Variants in MALRD1 observed in about 807,000 individuals in gnomAD.
MALRD1 encodes the protein MAM and LDL receptor class A domain containing 1.
MALRD1 carries 247 observed loss-of-function variants against 242.1 expected under a neutral mutation model. That is an observed-to-expected ratio of 1.02 (90% CI 0.92 to 1.13). The LOEUF is 1.13. Among genes scored for constraint, MALRD1 ranks in the 50% most tolerant of loss-of-function variants. MALRD1 has a pLI of 0.00. For missense variants in MALRD1, 2,989 were observed against 2,533.1 expected, an observed-to-expected ratio of 1.18 and a Z score of -3.86; for synonymous variants, 995 against 866.6, an observed-to-expected ratio of 1.15 and a Z score of -2.60.
At chr10:19,635,383 T>C (rs1304306639) in intron 36 of MALRD1, among the ~76,000 whole-genome samples, 1 of 152,068 alleles carries the variant, frequency 6.6e-6, no homozygotes, top group African/African-American at 2.4e-5. Context: ...TGAAGAAATA[T>C]AGTTCATAAG....
chr10:19,559,814 C>T (rs372976267), intron 32 of MALRD1, among the ~76,000 whole-genome samples: 1 of 152,060 alleles, frequency 6.6e-6, no homozygotes, highest in African/African-American at 2.4e-5. Context: ...ACAACCCCAT[C>T]GAACCATGGA....
At chr10:19,591,980 C>T (rs141917452) in intron 33 of MALRD1, among the ~76,000 whole-genome samples, 20 of 152,246 alleles carry the variant, frequency 1.3e-4, no homozygotes, top group African/African-American at 3.8e-4. Flanking sequence ...AAAAGAAATA[C>T]GGAGTGAATG....
At chr10:19,250,164 G>A (rs1404500692) in intron 18 of MALRD1, among the ~76,000 whole-genome samples, 1 of 151,950 alleles carries the variant, frequency 6.6e-6, no homozygotes, top group East Asian at 1.9e-4. Context: ...TGGCATGTGT[G>A]AGCCTATTGA....
chr10:19,674,074 T>C (rs2358472), intron 36 of MALRD1, among the ~76,000 whole-genome samples: 1 of 151,940 alleles, frequency 6.6e-6, no homozygotes, highest in Non-Finnish European at 1.5e-5. Context: ...TCTGAGAGGG[T>C]ATAATTTGAG....
intron 14 of MALRD1, among the ~76,000 whole-genome samples, chr10:19,200,872 CT>C (rs983034777): frequency 1.3e-5 from 2 of 151,750 alleles, no homozygotes; most frequent in African/African-American, 4.8e-5. Flanking sequence ...GAATCATTAG[CT>C]TTTTAATCTA....
intron 35 of MALRD1, among the ~76,000 whole-genome samples, chr10:19,611,259 A>G (rs1838881266): frequency 1.3e-5 from 2 of 152,086 alleles, no homozygotes; most frequent in South Asian, 4.1e-4. Flanking sequence ...AGGTATCATC[A>G]GGGAACACCA....
intron 28 of MALRD1, among the ~76,000 whole-genome samples, chr10:19,442,834 A>G (rs1834744924): frequency 6.6e-6 from 1 of 152,200 alleles, no homozygotes; most frequent in Admixed American, 6.5e-5. Context: ...CTGGCCTCAT[A>G]CAATGAGTTA....
rs1367155734 is a variant in MALRD1, at chr10:19,093,835, T to A, written c.597+5650T>A. On this transcript the variant is annotated intron_variant, in intron 4 of 39. Transcript: ENST00000454679. ...GACAGGACCCTCAGCTGCAGGTCTG[T>A]TGGAATACCCTGCCGTGTGAGGTGT... is the stretch of plus-strand genomic sequence containing the variant. 3.6e-5 allele frequency among the ~76,000 whole-genome samples: 3 copies of A among 82,454 alleles called. 1 individual carries two copies. Among genetic ancestry groups the A allele is most frequent in the Non-Finnish European group, 7.3e-5 (3 of 41,224 alleles). 54.1% of individuals were successfully genotyped at this position (82,454 alleles called of 152,430 possible).
intron 1 of MALRD1, among the ~76,000 whole-genome samples, chr10:19,063,152 A>C (rs78641390): frequency 0.015 from 2,253 of 150,888 alleles, 34 homozygotes; most frequent in African/African-American, 0.032. Flanking sequence ...TCCCCCCCCC[A>C]AAAAAAAAGT....
At chr10:19,204,823 G>C (rs774016380) in intron 16 of MALRD1, 75 bp from the exon 17 acceptor site, 16 of 1,391,638 alleles carry the variant, frequency 1.1e-5, no homozygotes, top group Non-Finnish European at 1.5e-5. Flanking sequence ...TGTTGACTGA[G>C]TAGAAAAATC....
At chr10:19,656,042 G>A (rs557147729) in intron 36 of MALRD1, among the ~76,000 whole-genome samples, 7 of 152,234 alleles carry the variant, frequency 4.6e-5, no homozygotes, top group African/African-American at 1.7e-4. Context: ...GAGTTTAAGT[G>A]TAAGGATTAA....
chr10:19,468,126 T>C (rs1157025511), intron 29 of MALRD1, among the ~76,000 whole-genome samples: 1 of 151,906 alleles, frequency 6.6e-6, no homozygotes, highest in African/African-American at 2.4e-5. Context: ...AAATCTATTG[T>C]GCTTTGCACC....
chr10:19,500,504 G>C (rs973865679), intron 31 of MALRD1, among the ~76,000 whole-genome samples: 1 of 152,164 alleles, frequency 6.6e-6, no homozygotes, highest in Non-Finnish European at 1.5e-5. Flanking sequence ...TCTAGATAAA[G>C]ACTTAAATGT....
chr10:19,247,462 C>G (rs1441682422), intron 18 of MALRD1, among the ~76,000 whole-genome samples: 1 of 151,820 alleles, frequency 6.6e-6, no homozygotes, highest in Non-Finnish European at 1.5e-5. Context: ...ACCTTAAGGT[C>G]TGTTTACAAT....
intron 5 of MALRD1, among the ~76,000 whole-genome samples, chr10:19,116,520 G>C (rs1836875200): frequency 6.6e-6 from 1 of 152,104 alleles, no homozygotes; most frequent in Non-Finnish European, 1.5e-5. Flanking sequence ...AAAACCTCTG[G>C]AGTAAAAACT....
intron 28 of MALRD1, among the ~76,000 whole-genome samples, chr10:19,442,945 G>A (rs1341945603): frequency 1.3e-5 from 2 of 152,054 alleles, no homozygotes; most frequent in Non-Finnish European, 2.9e-5. Context: ...AATCCATCTC[G>A]TCCTGGACTT....
At chr10:19,124,188 C>T (rs549077916) in intron 6 of MALRD1, among the ~76,000 whole-genome samples, 4 of 152,140 alleles carry the variant, frequency 2.6e-5, no homozygotes, top group African/African-American at 9.6e-5. Flanking sequence ...CTGCATTTGG[C>T]CTGGGTGGCA....
chr10:19,311,995 G>A (rs1447436638), intron 21 of MALRD1, among the ~76,000 whole-genome samples: 2 of 151,296 alleles, frequency 1.3e-5, no homozygotes, highest in Admixed American at 6.6e-5. Context: ...AATTTAGATT[G>A]GCCTTTCCAT....
Position 19,203,834 on chromosome 10 carries a change from T to G in MALRD1, c.2058T>G (p.Phe686Leu). 1 of 1,550,550 alleles carries G rather than the reference T, an allele frequency of 6.4e-7. No homozygotes were observed. Among genetic ancestry groups the G allele is most frequent in the Non-Finnish European group, 8.7e-7 (1 of 1,146,930 alleles). Residue 686 changes from phenylalanine (F) to leucine (L), a missense_variant, in exon 15 of 40, where the codon TTT (phenylalanine) becomes TTG (leucine). By Grantham distance (22) the Phe-to-Leu change is conservative. Transcript: ENST00000454679. ...RSSQSELSAD[F>L]EHQAPPRDHS... ...CTCAGAGTGAACTTTCTGCTGATTT[T>G]GAGCACCAGGCTCCACCTCGGGATC...
Sources: allele counts gnomAD v4.1 joint callset (sites outside exome capture counted in the v4.1 genomes callset), GRCh38; gene constraint gnomAD v4.1.1; transcripts MANE v1.5; gene names NCBI Gene and HGNC (gene_info 2026-07-23, HGNC 2026-07-21).